The following ST13 variants were observed in gnomAD, a reference collection of about 807,000 sequenced individuals.
ST13 encodes ST13 Hsp70 interacting protein, also known as hsc70-interacting protein.
In ST13, 23 loss-of-function variants were observed where a neutral mutation model predicts 56.7. The observed-to-expected ratio is 0.41, with a 90% CI of 0.29 to 0.57. The LOEUF is 0.57. Ranked by LOEUF, ST13 falls within the 20% of genes least tolerant of loss-of-function variation. ST13 has a pLI of 0.36. For synonymous variants in ST13, 132 were observed against 142.4 expected (o/e 0.93, Z 0.52); for missense variants, 369 against 459.9 (o/e 0.80, Z 1.81).
At chr22:40,834,104 CCT>C (rs1156591174) in intron 7 of ST13, among the ~76,000 whole-genome samples, 2 of 151,992 alleles carry the variant, frequency 1.3e-5, no homozygotes, top group African/African-American at 4.8e-5. Context: ...GGCGAAACCC[CCT>C]CTCTACCAAA....
intron 10 of ST13, 84 bp from the exon 11 acceptor site, chr22:40,827,313 G>T: frequency 7.0e-7 from 1 of 1,419,196 alleles, no homozygotes; most frequent in Non-Finnish European, 9.8e-7. Flanking sequence ...CAGGTTCAAA[G>T]AATATGGGTG....
chr22:40,828,933 G>A (rs1019324950), intron 10 of ST13, among the ~76,000 whole-genome samples: 1 of 152,146 alleles, frequency 6.6e-6, no homozygotes, highest in Non-Finnish European at 1.5e-5. Flanking sequence ...ATTCTCTCTA[G>A]TACTAGCCCA....
chr22:40,834,471 TAAAAC>T, intron 7 of ST13, among the ~76,000 whole-genome samples: 1 of 152,236 alleles, frequency 6.6e-6, no homozygotes, highest in African/African-American at 2.4e-5. Flanking sequence ...AACTAAAAGG[TAAAAC>T]AAAACATTTA....
rs1487491833 is a variant in ST13 at position 40,825,305 on chromosome 22, G to A, written c.*1233C>T. On this transcript the variant is annotated 3_prime_UTR_variant, in exon 12 of 12. Transcript: ENST00000216218. Reference sequence around the variant, plus strand: ...ATTATCTCATTTATAATTCACATTGGATAAAAAAAATCGGTTCCCCTCTGT... The same window carrying A: ...ATTATCTCATTTATAATTCACATTGAATAAAAAAAATCGGTTCCCCTCTGT... 1.3e-5 allele frequency: 2 copies of A among 151,936 alleles called. No homozygotes were observed. Among genetic ancestry groups the A allele is most frequent in the Non-Finnish European group, 2.9e-5 (2 of 67,986 alleles). The allele number at this position is 151,936 out of a possible 1,614,324, so 9.4% of individuals were successfully genotyped here.
chr22:40,847,844 C>A (rs1046383956), intron 3 of ST13, among the ~76,000 whole-genome samples: 1 of 151,956 alleles, frequency 6.6e-6, no homozygotes, highest in Non-Finnish European at 1.5e-5. Flanking sequence ...GTCAGGAGTT[C>A]GAGGCCAGCC....
intron 5 of ST13, 100 bp downstream of exon 5, chr22:40,840,526 T>C (rs947256770): frequency 5.9e-6 from 6 of 1,009,288 alleles, no homozygotes; most frequent in Admixed American, 2.2e-5. Context: ...TTCTCCAGTA[T>C]AGGACAGGTA....
At chr22:40,853,549 C>G (rs1050972361) in intron 1 of ST13, among the ~76,000 whole-genome samples, 2 of 152,134 alleles carry the variant, frequency 1.3e-5, no homozygotes, top group Non-Finnish European at 2.9e-5. Flanking sequence ...TTTTATGTTA[C>G]ACAATCAAGT....
chr22:40,829,582 C>G, intron 10 of ST13, 44 bp downstream of exon 10: 1 of 980,710 alleles, frequency 1.0e-6, no homozygotes, highest in Non-Finnish European at 1.4e-6. Context: ...TAAAATATCA[C>G]TGTATAATAG....
At chr22:40,828,618 TA>T (rs574469217) in intron 10 of ST13, among the ~76,000 whole-genome samples, 57 of 139,722 alleles carry the variant, frequency 4.1e-4, no homozygotes, top group Admixed American at 9.3e-4. Flanking sequence ...GTCTCAATAA[TA>T]AAAAAAAAAA....
At chr22:40,831,857 C>T (rs1051549407) in intron 8 of ST13, among the ~76,000 whole-genome samples, 1 of 152,144 alleles carries the variant, frequency 6.6e-6, no homozygotes, top group African/African-American at 2.4e-5. Context: ...AAGATTGAAA[C>T]TTCTTTGTTT....
rs949936963 is a variant in ST13, at chr22:40,853,803, C to T, written c.110+2628G>A. Among the ~76,000 whole-genome samples the T allele has an allele frequency of 5.3e-4, 81 of 152,164 alleles. 1 individual carries two copies. Among genetic ancestry groups the T allele is most frequent in the Non-Finnish European group, 2.1e-4 (14 of 68,042 alleles). On this transcript the variant is annotated intron_variant, in intron 1 of 11. Coordinates refer to ENST00000216218, the MANE Select transcript of ST13 (RefSeq NM_003932.5). Reference sequence around the variant, plus strand: ...AGGGAGTAGAAAACAAAGACACTCTCTTCGATCTTAATTACCATCAAGTAA... The same window carrying T: ...AGGGAGTAGAAAACAAAGACACTCTTTTCGATCTTAATTACCATCAAGTAA...
At chr22:40,838,727 C>A (rs2057788706) in intron 5 of ST13, among the ~76,000 whole-genome samples, 1 of 152,046 alleles carries the variant, frequency 6.6e-6, no homozygotes, top group Non-Finnish European at 1.5e-5. Context: ...TGCCACTGCA[C>A]TCCAAACTGA....
chr22:40,852,144 A>T (rs1213834670), intron 1 of ST13, among the ~76,000 whole-genome samples: 1 of 152,218 alleles, frequency 6.6e-6, no homozygotes, highest in Non-Finnish European at 1.5e-5. Context: ...TTAAATGGGC[A>T]TCAGTTTTCT....
chr22:40,831,418 G>A (rs555094037), intron 8 of ST13, among the ~76,000 whole-genome samples: 1 of 152,258 alleles, frequency 6.6e-6, no homozygotes, highest in East Asian at 1.9e-4. Context: ...AATGGGAGAG[G>A]AAGAAATATT....
intron 6 of ST13, 45 bp from the exon 7 acceptor site, chr22:40,835,715 G>A: frequency 1.9e-6 from 3 of 1,600,768 alleles, no homozygotes; most frequent in Non-Finnish European, 2.6e-6. Context: ...TTCAGTAAAA[G>A]TTTTGGGATC....
chr22:40,828,486 G>T (rs1318192873), intron 10 of ST13, among the ~76,000 whole-genome samples: 1 of 151,580 alleles, frequency 6.6e-6, no homozygotes, highest in Non-Finnish European at 1.5e-5. Context: ...GGTGGCAGGC[G>T]CCTGTAGTCC....
Position 40,829,690 on chromosome 22 carries a change from A to C in ST13, c.799-16T>G. 2 of 1,427,274 alleles carry C rather than the reference A, an allele frequency of 1.4e-6. No individual in the cohort carries two copies. The highest frequency in any genetic ancestry group is 1.9e-6 in the Non-Finnish European group (2 of 1,054,196). 88.4% of individuals were successfully genotyped at this position (1,427,274 alleles called of 1,614,324 possible). On this transcript the variant is annotated splice_polypyrimidine_tract_variant and intron_variant, in intron 9 of 11. Transcript: ENST00000216218. ...CTTCTTCCTCCTTTGATACAAAAGG[A>C]AATAAATTATATAATAGAAGAAGAA... is the stretch of plus-strand genomic sequence containing the variant.
chr22:40,844,135 G>C (rs1047122568), intron 4 of ST13, among the ~76,000 whole-genome samples: 1 of 151,754 alleles, frequency 6.6e-6, no homozygotes, highest in South Asian at 2.1e-4. Context: ...CACCCACCTC[G>C]GCCTCCCAAA....
chr22:40,828,138 G>T (rs1002885967), intron 10 of ST13, among the ~76,000 whole-genome samples: 2 of 152,070 alleles, frequency 1.3e-5, no homozygotes, highest in African/African-American at 4.8e-5. Context: ...CTGGAAACCT[G>T]GATTTTTAAC....
Sources: gnomAD v4.1 joint callset for allele counts (sites outside exome capture counted in the v4.1 genomes callset) on GRCh38, gnomAD v4.1.1 for gene constraint, MANE v1.5 for transcripts, NCBI Gene and HGNC (gene_info 2026-07-23, HGNC 2026-07-21) for gene names.